The following GRM7 variants were observed in gnomAD, a reference collection of about 807,000 sequenced individuals.
GRM7 encodes metabotropic glutamate receptor 7.
GRM7 carries 35 observed loss-of-function variants against 84.5 expected under a neutral mutation model. That is an observed-to-expected ratio of 0.41 (90% CI 0.32 to 0.55). The LOEUF is 0.55. Ranked by LOEUF, GRM7 falls within the 20% of genes least tolerant of loss-of-function variation. The pLI is 0.19. For synonymous variants in GRM7, 487 were observed against 455.1 expected (o/e 1.07, Z -0.89); for missense variants, 1,003 against 1,194.6 (o/e 0.84, Z 2.36).
intron 1 of GRM7, among the ~76,000 whole-genome samples, chr3:6,933,003 C>T (rs1697563854): frequency 6.6e-6 from 1 of 152,054 alleles, no homozygotes; most frequent in South Asian, 2.1e-4. Flanking sequence ...GATCCACCTG[C>T]CTTGGCCTCC....
chr3:7,571,823 G>A (rs1481668747), intron 7 of GRM7, among the ~76,000 whole-genome samples: 1 of 152,184 alleles, frequency 6.6e-6, no homozygotes, highest in Non-Finnish European at 1.5e-5. Context: ...ATAAAAGAAA[G>A]AGATTTATTG....
chr3:7,154,576 A>T (rs1395478768), intron 2 of GRM7, among the ~76,000 whole-genome samples: 1 of 152,128 alleles, frequency 6.6e-6, no homozygotes, highest in Non-Finnish European at 1.5e-5. Context: ...GCATGTGCTA[A>T]GGAGAAAAAG....
intron 2 of GRM7, among the ~76,000 whole-genome samples, chr3:7,184,764 TG>T (rs889812989): frequency 6.6e-6 from 1 of 152,204 alleles, no homozygotes; most frequent in Non-Finnish European, 1.5e-5. Flanking sequence ...AACAATGTTG[TG>T]GCGGATACTC....
chr3:7,025,416 G>A (rs778616015), intron 1 of GRM7, among the ~76,000 whole-genome samples: 2 of 152,172 alleles, frequency 1.3e-5, no homozygotes, highest in Non-Finnish European at 2.9e-5. Context: ...ACGTTAAGGG[G>A]TAGTTTGTTT....
chr3:7,355,719 C>T (rs1693367948), intron 4 of GRM7, among the ~76,000 whole-genome samples: 1 of 152,060 alleles, frequency 6.6e-6, no homozygotes, highest in African/African-American at 2.4e-5. Flanking sequence ...AGCAGGACTC[C>T]ATCATCAAAT....
At chr3:7,677,766 G>A (rs539578800) in intron 8 of GRM7, among the ~76,000 whole-genome samples, 3 of 152,220 alleles carry the variant, frequency 2.0e-5, no homozygotes, top group African/African-American at 7.2e-5. Context: ...ATGTTACTGG[G>A]TACATAGTCA....
intron 1 of GRM7, among the ~76,000 whole-genome samples, chr3:6,885,713 G>A (rs1337751231): frequency 6.6e-6 from 1 of 152,226 alleles, no homozygotes; most frequent in Non-Finnish European, 1.5e-5. Flanking sequence ...GTTGGAAATT[G>A]AGAGACCTCA....
chr3:7,133,878 A>C (rs1294059358), intron 1 of GRM7, among the ~76,000 whole-genome samples: 1 of 152,092 alleles, frequency 6.6e-6, no homozygotes, highest in African/African-American at 2.4e-5. Context: ...GTGTATGCTG[A>C]TGGTTTCTGG....
At chr3:7,696,748 A>G (rs925866831) in intron 9 of GRM7, among the ~76,000 whole-genome samples, 1 of 152,210 alleles carries the variant, frequency 6.6e-6, no homozygotes, top group East Asian at 1.9e-4. Context: ...TAAATGTTTC[A>G]GAAGGAAAAA....
At chr3:6,944,699 G>A (rs1698000268) in intron 1 of GRM7, among the ~76,000 whole-genome samples, 1 of 152,118 alleles carries the variant, frequency 6.6e-6, no homozygotes, top group Admixed American at 6.6e-5. Flanking sequence ...TGTGGAATGA[G>A]CTGGGAAGGA....
At chr3:7,478,288 G>C (rs1699000469) in intron 7 of GRM7, among the ~76,000 whole-genome samples, 1 of 152,234 alleles carries the variant, frequency 6.6e-6, no homozygotes, top group East Asian at 1.9e-4. Flanking sequence ...GCTGTCTTAG[G>C]TGGAAATCTT....
At chr3:7,554,094 G>A (rs1693633928) in intron 7 of GRM7, among the ~76,000 whole-genome samples, 1 of 152,202 alleles carries the variant, frequency 6.6e-6, no homozygotes, top group Non-Finnish European at 1.5e-5. Context: ...ACGAAGCTAT[G>A]CAAAGTAGAA....
At chr3:7,635,807 G>A (rs1271358741) in intron 8 of GRM7, among the ~76,000 whole-genome samples, 1 of 152,026 alleles carries the variant, frequency 6.6e-6, no homozygotes, top group Non-Finnish European at 1.5e-5. Flanking sequence ...CTGAGTATCT[G>A]GGACTACAGA....
At chr3:7,464,622 A>C (rs1261175049) in intron 7 of GRM7, among the ~76,000 whole-genome samples, 1 of 151,886 alleles carries the variant, frequency 6.6e-6, no homozygotes, top group Non-Finnish European at 1.5e-5. Flanking sequence ...CGAGGTCAGG[A>C]GATCAAGACC....
chr3:6,889,184 C>G (rs995392538), intron 1 of GRM7, among the ~76,000 whole-genome samples: 11 of 152,084 alleles, frequency 7.2e-5, no homozygotes, highest in Non-Finnish European at 1.3e-4. Context: ...CAAACAGGGA[C>G]AATTTGACTT....
intron 1 of GRM7, among the ~76,000 whole-genome samples, chr3:6,932,121 C>G (rs911834624): frequency 6.6e-6 from 1 of 152,176 alleles, no homozygotes; most frequent in Non-Finnish European, 1.5e-5. Context: ...AACAACTGCT[C>G]TCTATTTGAA....
intron 2 of GRM7, among the ~76,000 whole-genome samples, chr3:7,201,113 A>G (rs949801366): frequency 4.0e-5 from 6 of 151,388 alleles, no homozygotes; most frequent in African/African-American, 4.8e-5. Context: ...GGGACTACAG[A>G]CACCCACCAC....
chr3:7,046,661 T>C (rs1204852723), intron 1 of GRM7, among the ~76,000 whole-genome samples: 1 of 151,986 alleles, frequency 6.6e-6, no homozygotes, highest in Non-Finnish European at 1.5e-5. Flanking sequence ...CTCTGAGAGG[T>C]TTACTCTAAG....
chr3:7,578,579 T>C lies in GRM7; in HGVS notation c.1673T>C (p.Met558Thr). The C allele has an allele frequency of 6.2e-7, 1 of 1,614,066 alleles. No homozygotes were observed. Among genetic ancestry groups the C allele is most frequent in the Non-Finnish European group, 8.5e-7 (1 of 1,179,986 alleles). Residue 558 changes from methionine to threonine, a missense_variant, in exon 8 of 10, where the codon ATG (methionine) becomes ACG (threonine). Physicochemically the swap from Met to Thr is moderately conservative, Grantham distance 81 (BLOSUM62 -1). Transcript: ENST00000357716. The stretch of plus-strand genomic sequence containing the variant: ...GGTTACCAGTACCAGTTTGATGAGA[T>C]GACATGCCAGCATTGCCCCTATGAC... ...CDGYQYQFDE[M>T]TCQHCPYDQR...
Sources: allele counts gnomAD v4.1 joint callset (sites outside exome capture counted in the v4.1 genomes callset), GRCh38; gene constraint gnomAD v4.1.1; transcripts MANE v1.5; gene names NCBI Gene and HGNC (gene_info 2026-07-23, HGNC 2026-07-21).